The following HTT-AS variants were observed in gnomAD, a reference collection of about 807,000 sequenced individuals.
HTT-AS encodes HTT antisense RNA, also known as HTT antisense RNA (head to head).
chr4:3,055,905 A>G (rs1233960766), intron 2 of HTT-AS, among the ~76,000 whole-genome samples: 1 of 152,226 alleles, frequency 6.6e-6, no homozygotes, highest in Non-Finnish European at 1.5e-5. Context: ...AACTGGATCC[A>G]GGCCGGTTAA....
At chr4:3,067,895 C>T (rs1712084983) in intron 1 of HTT-AS, among the ~76,000 whole-genome samples, 1 of 152,142 alleles carries the variant, frequency 6.6e-6, no homozygotes, top group South Asian at 2.1e-4. Flanking sequence ...CACTGCAAAA[C>T]TACAGAAAAC....
chr4:3,061,517 C>T (rs1466442201), intron 2 of HTT-AS, among the ~76,000 whole-genome samples: 1 of 151,728 alleles, frequency 6.6e-6, no homozygotes, highest in East Asian at 1.9e-4. Flanking sequence ...CCTGTCTCTA[C>T]TAAAAATACA....
intron 2 of HTT-AS, among the ~76,000 whole-genome samples, chr4:3,051,884 T>C (rs943015482): frequency 6.6e-6 from 1 of 151,606 alleles, no homozygotes; most frequent in Non-Finnish European, 1.5e-5. Flanking sequence ...TGCAGATCCC[T>C]GAAACAAACA....
At chr4:3,070,900 T>G (rs1042531847) in intron 1 of HTT-AS, among the ~76,000 whole-genome samples, 23 of 152,210 alleles carry the variant, frequency 1.5e-4, no homozygotes, top group Non-Finnish European at 2.5e-4. Flanking sequence ...ACTGTGCCCA[T>G]TTTTAGGCCT....
chr4:3,050,294 T>C (rs957784086), intron 2 of HTT-AS, among the ~76,000 whole-genome samples: 6 of 152,220 alleles, frequency 3.9e-5, no homozygotes, highest in African/African-American at 1.2e-4. Context: ...TTCATTCAAA[T>C]TGTATATCTG....
In HTT-AS at chr4:3,065,363, C is replaced by T. The variant is rs574813886; in HGVS notation, n.114-1663G>A. Among the ~76,000 whole-genome samples the T allele has an allele frequency of 2.6e-3, 399 of 152,122 alleles. 2 individuals are homozygous for T. Among genetic ancestry groups the T allele is most frequent in the Non-Finnish European group, 4.4e-3 (296 of 67,984 alleles). On this transcript the variant is annotated intron_variant and non_coding_transcript_variant, in intron 1 of 2. Transcript: ENST00000664062. ...TCAAGCGATTCTCCTGCCTCAGCCT[C>T]CCGAGTAGCTGGGACTACAGGCGCG...
At chr4:3,070,012 C>T (rs1032119403) in intron 1 of HTT-AS, 1 of 152,452 alleles carries the variant, frequency 6.6e-6, no homozygotes, top group Non-Finnish European at 1.5e-5. Flanking sequence ...CGCTTACTGC[C>T]CCCTGCCCAG....
intron 2 of HTT-AS, among the ~76,000 whole-genome samples, chr4:3,061,986 TAAA>T (rs548695397): frequency 0.033 from 2,060 of 63,352 alleles, 73 homozygotes; most frequent in African/African-American, 0.1. Flanking sequence ...TATCTCAAAT[TAAA>T]AAAAAAAAAA....
intron 1 of HTT-AS, among the ~76,000 whole-genome samples, chr4:3,073,879 C>G (rs1303816587): frequency 6.6e-6 from 1 of 152,206 alleles, no homozygotes; most frequent in Non-Finnish European, 1.5e-5. Flanking sequence ...TGGCCACGGG[C>G]CAGTGTGGCG....
exon 2 of HTT-AS, chr4:3,063,425 GTCTA>G (rs1711982235): frequency 6.6e-6 from 1 of 152,348 alleles, no homozygotes; most frequent in Non-Finnish European, 1.5e-5. Context: ...GCAAATGTCA[GTCTA>G]TCTGTCAGTG....
At chr4:3,049,745 T>C (rs1312076594) in intron 2 of HTT-AS, among the ~76,000 whole-genome samples, 1 of 152,174 alleles carries the variant, frequency 6.6e-6, no homozygotes, top group African/African-American at 2.4e-5. Context: ...AAAAATATAC[T>C]GTAGCATAAT....
At chr4:3,059,790 C>T (rs1234921849) in intron 2 of HTT-AS, among the ~76,000 whole-genome samples, 8 of 152,168 alleles carry the variant, frequency 5.3e-5, no homozygotes, top group African/African-American at 1.4e-4. Context: ...TCAGGCTGGT[C>T]TCAAACTCCT....
At chr4:3,053,772 T>C (rs1191658924) in intron 2 of HTT-AS, among the ~76,000 whole-genome samples, 1 of 151,066 alleles carries the variant, frequency 6.6e-6, no homozygotes, top group Non-Finnish European at 1.5e-5. Flanking sequence ...TTTTTTTTTT[T>C]TTTGAGATGG....
At chr4:3,057,813 C>T (rs1394859510) in intron 2 of HTT-AS, among the ~76,000 whole-genome samples, 5 of 151,540 alleles carry the variant, frequency 3.3e-5, no homozygotes, top group Middle Eastern at 3.4e-3. Flanking sequence ...TTAGTAGAGA[C>T]GGGGTTTCAC....
intron 2 of HTT-AS, among the ~76,000 whole-genome samples, chr4:3,052,679 C>T (rs914151057): frequency 5.3e-5 from 8 of 152,122 alleles, no homozygotes; most frequent in Non-Finnish European, 1.0e-4. Context: ...GGGGGGGATC[C>T]AGGATCTGGT....
chr4:3,049,906 T>TCACACACACACA (rs57430954), intron 2 of HTT-AS, among the ~76,000 whole-genome samples: 30 of 134,676 alleles, frequency 2.2e-4, no homozygotes, highest in Admixed American at 6.9e-4. Flanking sequence ...TTGTAAGTTA[T>TCACACACACACA]CACACACACA....
At chr4:3,066,049 A>G (rs1166711366) in intron 1 of HTT-AS, among the ~76,000 whole-genome samples, 2 of 152,240 alleles carry the variant, frequency 1.3e-5, no homozygotes, top group Non-Finnish European at 2.9e-5. Flanking sequence ...TTAACAGAGT[A>G]AGCAGCTTTC....
intron 2 of HTT-AS, among the ~76,000 whole-genome samples, chr4:3,059,589 A>C (rs1005095834): frequency 2.7e-5 from 4 of 147,824 alleles, no homozygotes; most frequent in South Asian, 2.1e-4. Context: ...AGGTTGTTTC[A>C]TTTTTTTTTT....
chr4:3,046,402 A>G (rs2110118854), downstream of HTT-AS, among the ~76,000 whole-genome samples: 1 of 152,338 alleles, frequency 6.6e-6, no homozygotes, highest in Admixed American at 6.5e-5. Flanking sequence ...GCCAAGACTC[A>G]GGTACTGCCA....
Sources: allele counts gnomAD v4.1 joint callset (sites outside exome capture counted in the v4.1 genomes callset), GRCh38; gene constraint gnomAD v4.1.1; transcripts MANE v1.5; gene names NCBI Gene and HGNC (gene_info 2026-07-23, HGNC 2026-07-21).